Variants in TNNI3K observed in about 807,000 individuals in gnomAD.
The protein encoded by TNNI3K is serine/threonine-protein kinase TNNI3K.
Under a neutral mutation model 114.5 loss-of-function variants are expected in TNNI3K, and 140 were observed. The observed-to-expected ratio is 1.22, with a 90% CI of 1.07 to 1.41. The LOEUF (loss-of-function observed/expected upper bound fraction) is 1.41. Ranked by LOEUF, TNNI3K falls within the 40% of genes most tolerant of loss-of-function variation. The pLI is 0.00. For missense variants in TNNI3K, 1,125 were observed against 1,007.6 expected (o/e 1.12, Z -1.58); for synonymous variants, 347 against 347.5 (o/e 1.00, Z 0.02).
intron 17 of TNNI3K, among the ~76,000 whole-genome samples, chr1:74,425,000 A>G (rs1237142966): frequency 6.6e-6 from 1 of 152,150 alleles, no homozygotes; most frequent in Non-Finnish European, 1.5e-5. Context: ...AGTTATAACC[A>G]TTTAGTCTCA....
rs75736601 is a variant in TNNI3K at position 74,460,896 on chromosome 1, C to A, written c.2012-2545C>A. Among the ~76,000 whole-genome samples, 1,372 of 152,280 alleles carry A rather than the reference C, an allele frequency of 9.0e-3. 15 individuals are homozygous for A. Among genetic ancestry groups the A allele is most frequent in the Non-Finnish European group, 0.015 (1,015 of 68,020 alleles). ...ATTTTCCAGACACACTGCCAAGAAGCAAACAAGTAACTCTATATTTTTGAT... is the reference window on the plus strand; with the variant it reads ...ATTTTCCAGACACACTGCCAAGAAGAAAACAAGTAACTCTATATTTTTGAT... On this transcript the variant is annotated intron_variant, in intron 20 of 24. Transcript: ENST00000326637.
chr1:74,420,747 A>G (rs1189724065), intron 17 of TNNI3K, among the ~76,000 whole-genome samples: 2 of 152,174 alleles, frequency 1.3e-5, no homozygotes, highest in Non-Finnish European at 2.9e-5. Context: ...TAAGTGTCAG[A>G]GAACATTATC....
At chr1:74,451,117 GC>G (rs1267108494) in intron 20 of TNNI3K, among the ~76,000 whole-genome samples, 3 of 152,102 alleles carry the variant, frequency 2.0e-5, no homozygotes, top group Non-Finnish European at 4.4e-5. Flanking sequence ...GATGCTGGAA[GC>G]CATTATCCTC....
chr1:74,480,830 G>A (rs764853467), intron 21 of TNNI3K: 2 of 717,428 alleles, frequency 2.8e-6, no homozygotes, highest in Non-Finnish European at 2.6e-6. Context: ...CCCATGCAGG[G>A]CATCTTCCTG....
At chr1:74,261,528 T>C (rs1187023604) in intron 4 of TNNI3K, among the ~76,000 whole-genome samples, 1 of 152,150 alleles carries the variant, frequency 6.6e-6, no homozygotes, top group East Asian at 1.9e-4. Context: ...TATATCCCTC[T>C]ATAGGGCATA....
At chr1:74,412,551 T>C (rs1664932548) in intron 17 of TNNI3K, among the ~76,000 whole-genome samples, 2 of 152,188 alleles carry the variant, frequency 1.3e-5, no homozygotes, top group Non-Finnish European at 2.9e-5. Context: ...CTATTAAATA[T>C]TGTCTCACGT....
chr1:74,333,672 CAAG>C (rs989677736), intron 6 of TNNI3K, among the ~76,000 whole-genome samples: 1 of 152,130 alleles, frequency 6.6e-6, no homozygotes, highest in African/African-American at 2.4e-5. Flanking sequence ...AATATGCTGA[CAAG>C]GAGAATGGTA....
intron 4 of TNNI3K, among the ~76,000 whole-genome samples, chr1:74,253,835 C>T (rs1570375939): frequency 6.6e-6 from 1 of 152,160 alleles, no homozygotes; most frequent in African/African-American, 2.4e-5. Context: ...CAAGTGCAGC[C>T]AGAGTGGGCG....
intron 5 of TNNI3K, among the ~76,000 whole-genome samples, chr1:74,323,058 C>T (rs1659707710): frequency 6.6e-6 from 1 of 152,122 alleles, no homozygotes; most frequent in Non-Finnish European, 1.5e-5. Flanking sequence ...CTCTGCAAGA[C>T]CCTTAACATA....
chr1:74,537,147 A>G (rs531378689), intron 23 of TNNI3K, among the ~76,000 whole-genome samples: 3 of 152,328 alleles, frequency 2.0e-5, no homozygotes, highest in Admixed American at 6.5e-5. Context: ...CAGCTTGGAT[A>G]TGAGCTTTTA....
chr1:74,313,399 G>T (rs1284558967), intron 5 of TNNI3K, among the ~76,000 whole-genome samples: 1 of 152,186 alleles, frequency 6.6e-6, no homozygotes, highest in Admixed American at 6.5e-5. Context: ...GATAATTACA[G>T]GTTGACACAG....
At position 74,336,074 on chromosome 1, in the gene TNNI3K, C is replaced by T. The variant is rs201573023; in HGVS notation, c.607C>T (p.Pro203Ser). The stretch of plus-strand genomic sequence containing the variant: ...TGTAAGTGGTGAAGTTGGAGATAGA[C>T]CCCTCCACCTAGCATCTGCAAAAGG... The part of the protein sequence containing the change: ...VNVSGEVGDR[P>S]LHLASAKGFL... The change falls in exon 7 of 25, where the codon CCC (proline) becomes TCC (serine). Residue 203 changes from proline to serine, a missense_variant. By Grantham distance (74) the Pro-to-Ser change is moderately conservative (BLOSUM62 -1). Transcript: ENST00000326637. The T allele has an allele frequency of 1.9e-6, 3 of 1,602,652 alleles. No individual in the cohort carries two copies. Among genetic ancestry groups the T allele is most frequent in the South Asian group, 1.1e-5 (1 of 88,738 alleles).
At chr1:74,236,567 A>C (rs546139692) in intron 2 of TNNI3K, among the ~76,000 whole-genome samples, 6 of 151,896 alleles carry the variant, frequency 4.0e-5, no homozygotes, top group African/African-American at 1.4e-4. Flanking sequence ...CTTCCCACAT[A>C]GTGGTCGCAT....
At chr1:74,399,650 A>G (rs1471759240) in intron 17 of TNNI3K, among the ~76,000 whole-genome samples, 1 of 152,172 alleles carries the variant, frequency 6.6e-6, no homozygotes, top group Non-Finnish European at 1.5e-5. Context: ...AGGGAAAAGG[A>G]TGAATGGGAA....
chr1:74,515,903 G>T (rs1358251473), intron 23 of TNNI3K, among the ~76,000 whole-genome samples: 1 of 152,160 alleles, frequency 6.6e-6, no homozygotes, highest in Non-Finnish European at 1.5e-5. Flanking sequence ...ATGCCCCATA[G>T]TGCCAGTTTA....
At chr1:74,397,793 T>A (rs1247273093) in intron 17 of TNNI3K, among the ~76,000 whole-genome samples, 5 of 152,174 alleles carry the variant, frequency 3.3e-5, no homozygotes, top group African/African-American at 1.2e-4. Flanking sequence ...GGCTATGCTG[T>A]CATTGATGGA....
intron 23 of TNNI3K, among the ~76,000 whole-genome samples, chr1:74,503,237 T>C (rs1403068149): frequency 6.6e-6 from 1 of 152,210 alleles, no homozygotes; most frequent in East Asian, 1.9e-4. Flanking sequence ...CTCTTTCTCA[T>C]GCATAAATAC....
chr1:74,327,089 A>G (rs1426759865), intron 5 of TNNI3K, among the ~76,000 whole-genome samples: 4 of 151,828 alleles, frequency 2.6e-5, no homozygotes, highest in Admixed American at 2.0e-4. Context: ...CAAAAAAAAA[A>G]AAAAAAGGAA....
intron 23 of TNNI3K, among the ~76,000 whole-genome samples, chr1:74,523,326 A>G (rs1646460104): frequency 6.6e-6 from 1 of 152,200 alleles, no homozygotes; most frequent in South Asian, 2.1e-4. Flanking sequence ...TGTATCATCA[A>G]ATTTTGAGCA....
Sources: gnomAD v4.1 joint callset for allele counts (sites outside exome capture counted in the v4.1 genomes callset) on GRCh38, gnomAD v4.1.1 for gene constraint, MANE v1.5 for transcripts, NCBI Gene and HGNC (gene_info 2026-07-23, HGNC 2026-07-21) for gene names.